Variants in NLN observed in about 807,000 individuals in gnomAD.
The protein encoded by NLN is neurolysin.
A neutral mutation model predicts 79.9 loss-of-function variants in NLN; 64 were observed. The ratio of observed to expected loss-of-function variants is 0.80; its 90% CI spans 0.65 to 0.99. The LOEUF is 0.99. Among genes scored for constraint, NLN ranks in the 50% least tolerant of loss-of-function variants. The pLI is 0.00. For missense variants in NLN, 835 were observed against 858.7 expected, an observed-to-expected ratio of 0.97 and a Z score of 0.34; for synonymous variants, 267 against 296.6, an observed-to-expected ratio of 0.90 and a Z score of 1.02.
intron 4 of NLN, chr5:65,779,948 C>T (rs1474072020): frequency 1.2e-5 from 4 of 344,212 alleles, no homozygotes; most frequent in Non-Finnish European, 1.6e-5. Flanking sequence ...GCCTCAGCCT[C>T]CTGAGTAGCT....
At chr5:65,776,749 TTGAG>T (rs1053410915) in intron 3 of NLN, among the ~76,000 whole-genome samples, 7 of 151,946 alleles carry the variant, frequency 4.6e-5, no homozygotes, top group African/African-American at 1.5e-4. Context: ...CTCTGTTCTT[TTGAG>T]TGAGTGTTGT....
chr5:65,781,302 G>C lies in NLN; in HGVS notation c.703G>C (p.Asp235His), dbSNP rs1229449482. The change falls in exon 6 of 13, where the codon GAT becomes CAT. Residue 235 changes from aspartate (D) to histidine (H), a missense_variant. Asp to His is a moderately conservative substitution (Grantham distance 81, BLOSUM62 -1). Coordinates refer to ENST00000380985, the MANE Select transcript of NLN (RefSeq NM_020726.5). Reference protein sequence around the residue: ...DDFIDSLEKTDDDKYKITLKY... With the variant: ...DDFIDSLEKTHDDKYKITLKY... ...TTTCATTGACAGTTTAGAAAAGACA[G>C]ATGATGACAAGTATAAAATTACCTT... The C allele has an allele frequency of 8.7e-6, 14 of 1,609,088 alleles. No homozygotes were observed. Among genetic ancestry groups the C allele is most frequent in the Non-Finnish European group, 9.4e-6 (11 of 1,175,820 alleles).
rs556202693 is a variant in NLN, at chr5:65,730,574, T to C, written c.41+8160T>C. 4.6e-5 allele frequency among the ~76,000 whole-genome samples: 7 copies of C among 152,130 alleles called. No individual in the cohort carries two copies. The South Asian group carries it at 1.5e-3, about 32-fold the overall frequency. On this transcript the variant is annotated intron_variant, in intron 1 of 12. Coordinates refer to ENST00000380985, the MANE Select transcript of NLN (RefSeq NM_020726.5). ...TTTTTTTTGTTTTATTCGTTTGTTT[T>C]TAGATGGAGTCTCACTCTATTGCTC...
intron 3 of NLN, among the ~76,000 whole-genome samples, chr5:65,775,996 C>T (rs1156925529): frequency 1.3e-5 from 2 of 152,168 alleles, no homozygotes; most frequent in African/African-American, 4.8e-5. Context: ...CTCAAACCTG[C>T]AATCCCAGCA....
In NLN at chr5:65,822,862, C is replaced by A; in HGVS notation, c.2062C>A (p.Arg688Ser). The A allele has an allele frequency of 6.2e-7, 1 of 1,612,582 alleles. No individual in the cohort carries two copies. Among genetic ancestry groups the A allele is most frequent in the Non-Finnish European group, 8.5e-7 (1 of 1,178,618 alleles). ...GMDMLHNFLK[R>S]EPNQKAFLMS... is the part of the protein sequence containing the mutation. ...GGACATGCTCCACAATTTCTTGAAA[C>A]GTGAGCCAAACCAAAAAGCGTTCCT... is the stretch of plus-strand genomic sequence containing the variant. The change falls in exon 13 of 13, where the codon CGT becomes AGT. Residue 688 changes from arginine (R) to serine (S), a missense_variant. By Grantham distance (110) the Arg-to-Ser change is moderately radical. Transcript: ENST00000380985.
chr5:65,822,540 A>C (rs182840971), intron 12 of NLN, among the ~76,000 whole-genome samples: 1 of 152,210 alleles, frequency 6.6e-6, no homozygotes, highest in Non-Finnish European at 1.5e-5. Flanking sequence ...ACTGCTTAGA[A>C]TCTAAGGAGA....
chr5:65,736,042 A>G (rs1210517341), intron 1 of NLN, among the ~76,000 whole-genome samples: 2 of 152,246 alleles, frequency 1.3e-5, no homozygotes, highest in African/African-American at 2.4e-5. Flanking sequence ...TTCTAGTATG[A>G]AAAATATATC....
intron 7 of NLN, among the ~76,000 whole-genome samples, chr5:65,787,153 A>G (rs1759943180): frequency 5.9e-5 from 9 of 151,840 alleles, no homozygotes. Context: ...TTGAGAGGCT[A>G]AAGTGCGAGG....
intron 3 of NLN, among the ~76,000 whole-genome samples, chr5:65,769,770 A>G (rs762643533): frequency 5.9e-5 from 9 of 152,200 alleles, no homozygotes; most frequent in Non-Finnish European, 1.0e-4. Flanking sequence ...CTCAGAAACA[A>G]TAACTTTCCA....
intron 7 of NLN, 88 bp downstream of exon 7, chr5:65,785,998 C>A: frequency 1.7e-6 from 2 of 1,180,336 alleles, no homozygotes; most frequent in Non-Finnish European, 1.2e-6. Context: ...CCTTTGAGGA[C>A]ATCCTACTTT....
chr5:65,787,630 C>G (rs1230299932), intron 7 of NLN, among the ~76,000 whole-genome samples: 1 of 152,178 alleles, frequency 6.6e-6, no homozygotes, highest in Non-Finnish European at 1.5e-5. Context: ...TAAACCTTCA[C>G]AGAAATGGGG....
intron 1 of NLN, among the ~76,000 whole-genome samples, chr5:65,748,233 G>A (rs1192663803): frequency 1.3e-5 from 2 of 152,090 alleles, no homozygotes; most frequent in Non-Finnish European, 2.9e-5. Context: ...AGTCATCCAG[G>A]TCGAAGGGTT....
intron 1 of NLN, among the ~76,000 whole-genome samples, chr5:65,754,624 A>G (rs1436373197): frequency 1.3e-5 from 2 of 151,926 alleles, no homozygotes; most frequent in South Asian, 2.1e-4. Context: ...TCTCTTCCTG[A>G]CCTTTTCTAA....
intron 7 of NLN, among the ~76,000 whole-genome samples, chr5:65,787,878 G>A (rs192914981): frequency 6.6e-6 from 1 of 152,294 alleles, no homozygotes; most frequent in African/African-American, 2.4e-5. Flanking sequence ...AGTTCTGGGG[G>A]TGTTAAAAGA....
intron 3 of NLN, among the ~76,000 whole-genome samples, chr5:65,774,059 T>TTTG (rs1759628120): frequency 6.6e-6 from 1 of 151,842 alleles, no homozygotes; most frequent in South Asian, 2.1e-4. Flanking sequence ...TTCAAAGTTT[T>TTTG]TTTTTTTTTT....
At chr5:65,817,247 C>T (rs1342564472) in intron 12 of NLN, among the ~76,000 whole-genome samples, 3 of 152,108 alleles carry the variant, frequency 2.0e-5, no homozygotes, top group African/African-American at 7.2e-5. Context: ...GACATCACAT[C>T]GTAACTGTTT....
intron 9 of NLN, among the ~76,000 whole-genome samples, chr5:65,795,382 T>C (rs1760154017): frequency 6.6e-6 from 1 of 151,996 alleles, no homozygotes; most frequent in African/African-American, 2.4e-5. Flanking sequence ...GGCCAGAGCC[T>C]GTCTCAAAAA....
chr5:65,722,319 G>T lies in NLN; in HGVS notation c.-55G>T. ...GCGCCCAGGCGCTGCCGCCCGCCTCGCCGCCCCACGCCGAAGGACCACGCG... is the reference window on the plus strand; with the variant it reads ...GCGCCCAGGCGCTGCCGCCCGCCTCTCCGCCCCACGCCGAAGGACCACGCG... On this transcript the variant is annotated 5_prime_UTR_variant, in exon 1 of 13. Coordinates refer to ENST00000380985, the MANE Select transcript of NLN (RefSeq NM_020726.5). The T allele has an allele frequency of 6.8e-7, 1 of 1,462,652 alleles. No individual in the cohort carries two copies. The allele number at this position is 1,462,652 out of a possible 1,614,324, so 90.6% of individuals were successfully genotyped here. A position where few individuals can be genotyped will look rare whatever the true frequency, so the allele number is the denominator to read the frequency against.
chr5:65,823,011 AT>A lies in NLN; in HGVS notation c.*99del. On this transcript the variant is annotated 3_prime_UTR_variant, in exon 13 of 13. Transcript: ENST00000380985. Reference sequence around the variant, plus strand: ...ACTGAAGGGAGTTTTGCAAGTGAAAATTTAGATTTCTATTGACATCCTTTTG... The same window carrying A: ...ACTGAAGGGAGTTTTGCAAGTGAAAATTAGATTTCTATTGACATCCTTTTG... 2.1e-6 allele frequency: 2 copies of A among 953,882 alleles called. No homozygotes were observed. The highest frequency in any genetic ancestry group is 3.2e-6 in the Non-Finnish European group (2 of 620,534). 59.1% of individuals were successfully genotyped at this position (953,882 alleles called of 1,614,324 possible). A position where few individuals can be genotyped will look rare whatever the true frequency, so the allele number is the denominator to read the frequency against.
Sources: gnomAD v4.1 joint callset for allele counts (sites outside exome capture counted in the v4.1 genomes callset) on GRCh38, gnomAD v4.1.1 for gene constraint, MANE v1.5 for transcripts, NCBI Gene and HGNC (gene_info 2026-07-23, HGNC 2026-07-21) for gene names.